Variants in VEPH1 observed in about 807,000 individuals in gnomAD.
VEPH1 encodes the protein ventricular zone expressed PH domain containing 1, also known as ventricular zone-expressed PH domain-containing protein homolog 1.
A neutral mutation model predicts 85.2 loss-of-function variants in VEPH1; 80 were observed. The observed-to-expected ratio is 0.94, with a 90% confidence interval of 0.78 to 1.13. The LOEUF (loss-of-function observed/expected upper bound fraction) is 1.13. Ranked by LOEUF, VEPH1 falls within the 50% of genes most tolerant of loss-of-function variation. The pLI, the probability that VEPH1 is intolerant of heterozygous loss-of-function variation, is 0.00. For missense variants in VEPH1, 955 were observed against 980.5 expected (o/e 0.97, Z 0.35); for synonymous variants, 297 against 348.0 (o/e 0.85, Z 1.63).
intron 5 of VEPH1, among the ~76,000 whole-genome samples, chr3:157,417,320 T>C (rs1372321984): frequency 6.6e-6 from 1 of 152,188 alleles, no homozygotes; most frequent in Admixed American, 6.6e-5. Context: ...GAGAGCCAAG[T>C]AGCCACTAAG....
At chr3:157,492,752 G>C (rs994417505) in intron 2 of VEPH1, among the ~76,000 whole-genome samples, 8 of 151,996 alleles carry the variant, frequency 5.3e-5, no homozygotes, top group African/African-American at 1.9e-4. Context: ...TCTTTGTCAG[G>C]GTTCTTTGAT....
rs1712806602 is a variant in VEPH1 at position 157,261,019 on chromosome 3, C to T, written c.*115G>A. On this transcript the variant is annotated 3_prime_UTR_variant, in exon 14 of 14. Coordinates refer to ENST00000362010, the MANE Select transcript of VEPH1 (RefSeq NM_001167912.2). The stretch of plus-strand genomic sequence containing the variant: ...CCTTCTTCTTAAAGGACAACAATTC[C>T]ATTGGTATTTAGTAAAAAACAACAT... 7.1e-7 allele frequency: 1 copy of T among 1,408,052 alleles called. No individual in the cohort carries two copies. Among genetic ancestry groups the T allele is most frequent in the African/African-American group, 1.4e-5 (1 of 69,870 alleles). 87.2% of individuals were successfully genotyped at this position (1,408,052 alleles called of 1,614,324 possible). A position where few individuals can be genotyped will look rare whatever the true frequency, so the allele number is the denominator to read the frequency against.
intron 9 of VEPH1, among the ~76,000 whole-genome samples, chr3:157,353,679 T>C (rs571832555): frequency 6.6e-6 from 1 of 152,200 alleles, no homozygotes; most frequent in Non-Finnish European, 1.5e-5. Context: ...AAATCCTTTT[T>C]TTTCCTGGGT....
intron 12 of VEPH1, among the ~76,000 whole-genome samples, chr3:157,281,949 G>C (rs772524292): frequency 1.3e-4 from 20 of 152,122 alleles, no homozygotes; most frequent in Non-Finnish European, 2.5e-4. Context: ...TTATGGGCTA[G>C]GTCCTCTCAG....
intron 9 of VEPH1, among the ~76,000 whole-genome samples, chr3:157,342,931 G>C (rs1021728338): frequency 6.6e-6 from 1 of 152,034 alleles, no homozygotes; most frequent in Admixed American, 6.6e-5. Flanking sequence ...ATGACTACTG[G>C]GTACACAACG....
intron 4 of VEPH1, chr3:157,437,885 G>A (rs1330454117): frequency 1.3e-6 from 2 of 1,519,794 alleles, no homozygotes; most frequent in Non-Finnish European, 1.8e-6. Context: ...GCGGTGCAGG[G>A]CTGGGCTGCC....
At chr3:157,357,896 TAA>T (rs1725623079) in intron 9 of VEPH1, among the ~76,000 whole-genome samples, 1 of 152,204 alleles carries the variant, frequency 6.6e-6, no homozygotes, top group Non-Finnish European at 1.5e-5. Flanking sequence ...TAATGAGAAA[TAA>T]AGTTATGTTA....
chr3:157,326,212 A>G (rs534657671), intron 9 of VEPH1, among the ~76,000 whole-genome samples: 1 of 152,210 alleles, frequency 6.6e-6, no homozygotes, highest in Non-Finnish European at 1.5e-5. Context: ...AACAATTTAA[A>G]TGATGTCTCA....
chr3:157,317,289 A>G, intron 9 of VEPH1, 88 bp from the exon 10 acceptor site: 1 of 1,274,896 alleles, frequency 7.8e-7, no homozygotes, highest in Non-Finnish European at 1.0e-6. Flanking sequence ...ATGCCTTTAT[A>G]AAATATCCTT....
chr3:157,415,564 C>T (rs1208740488), intron 5 of VEPH1, among the ~76,000 whole-genome samples: 2 of 152,046 alleles, frequency 1.3e-5, no homozygotes, highest in African/African-American at 2.4e-5. Flanking sequence ...CTTGCCCATC[C>T]AATCTCTTCT....
At chr3:157,379,598 C>T (rs1042135378) in intron 7 of VEPH1, among the ~76,000 whole-genome samples, 3 of 152,178 alleles carry the variant, frequency 2.0e-5, no homozygotes, top group African/African-American at 4.8e-5. Context: ...CTACACCATG[C>T]TGAACATAAA....
chr3:157,379,554 G>A (rs971147991), intron 7 of VEPH1, among the ~76,000 whole-genome samples: 1 of 152,124 alleles, frequency 6.6e-6, no homozygotes, highest in African/African-American at 2.4e-5. Context: ...TGATGGTAAG[G>A]ATAGTACCTT....
chr3:157,387,593 C>T (rs1215485385), intron 6 of VEPH1, among the ~76,000 whole-genome samples: 2 of 152,186 alleles, frequency 1.3e-5, no homozygotes, highest in Non-Finnish European at 2.9e-5. Context: ...TGCAGCCCTC[C>T]TTTCTGTACT....
intron 3 of VEPH1, among the ~76,000 whole-genome samples, chr3:157,469,851 T>C (rs192026160): frequency 1.3e-5 from 2 of 152,294 alleles, no homozygotes; most frequent in Admixed American, 1.3e-4. Context: ...AACGGGCAAA[T>C]ATCATCATGA....
intron 9 of VEPH1, among the ~76,000 whole-genome samples, chr3:157,320,016 C>T (rs965589115): frequency 1.3e-5 from 2 of 152,106 alleles, no homozygotes; most frequent in Non-Finnish European, 2.9e-5. Context: ...GCAAAATTCT[C>T]CCCATGACAT....
intron 6 of VEPH1, among the ~76,000 whole-genome samples, chr3:157,406,892 C>A (rs1225280861): frequency 6.6e-6 from 1 of 151,236 alleles, no homozygotes; most frequent in Non-Finnish European, 1.5e-5. Flanking sequence ...AAGACCAGAC[C>A]CTAAAGTAAA....
Position 157,305,335 on chromosome 3 carries a change from C to T in VEPH1, c.2010+8286G>A, listed in dbSNP as rs60890643. On this transcript the variant is annotated intron_variant, in intron 11 of 13. Transcript: ENST00000362010. ...CGTTTTTAGCCGGGATGGTCTCGAT[C>T]TCCTGACCTCGTGATCCGCCCGCCT... Among the ~76,000 whole-genome samples, 367 of 151,964 alleles carry T rather than the reference C, an allele frequency of 2.4e-3. 5 individuals carry two copies. In the East Asian group the frequency reaches 0.039, roughly 16 times the overall value.
intron 11 of VEPH1, among the ~76,000 whole-genome samples, chr3:157,293,436 C>A (rs1717769020): frequency 6.6e-6 from 1 of 152,186 alleles, no homozygotes; most frequent in South Asian, 2.1e-4. Context: ...CTTTGAGTCC[C>A]TATGTGTTGG....
intron 11 of VEPH1, among the ~76,000 whole-genome samples, chr3:157,311,331 C>T (rs147278196): frequency 1.3e-5 from 2 of 152,224 alleles, no homozygotes; most frequent in Admixed American, 6.5e-5. Context: ...AGTGAAACTC[C>T]GTCACTGCAG....
Sources: gnomAD v4.1 joint callset for allele counts (sites outside exome capture counted in the v4.1 genomes callset) on GRCh38, gnomAD v4.1.1 for gene constraint, MANE v1.5 for transcripts, NCBI Gene and HGNC (gene_info 2026-07-23, HGNC 2026-07-21) for gene names.